Variants in MAGI2 observed in about 807,000 individuals in gnomAD.
MAGI2 encodes the protein membrane associated guanylate kinase, WW and PDZ domain containing 2.
MAGI2 carries 35 observed loss-of-function variants against 133.3 expected under a neutral mutation model. The observed-to-expected ratio is 0.26, with a 90% CI of 0.20 to 0.35. MAGI2 has a LOEUF of 0.35. Among genes scored for constraint, MAGI2 ranks in the 10% least tolerant of loss-of-function variants. The pLI is 1.00. For synonymous variants in MAGI2, 729 were observed against 710.6 expected, an observed-to-expected ratio of 1.03 and a Z score of -0.41; for missense variants, 1,636 against 1,863.4, an observed-to-expected ratio of 0.88 and a Z score of 2.25.
chr7:78,175,099 G>A (rs1826466065), intron 14 of MAGI2, among the ~76,000 whole-genome samples: 1 of 152,154 alleles, frequency 6.6e-6, no homozygotes, highest in Non-Finnish European at 1.5e-5. Flanking sequence ...GCACTTTCTT[G>A]AGTTCTGAGT....
At chr7:79,387,097 T>C (rs954588230) in intron 1 of MAGI2, among the ~76,000 whole-genome samples, 7 of 145,456 alleles carry the variant, frequency 4.8e-5, no homozygotes, top group Admixed American at 4.1e-4. Flanking sequence ...TTTATGCTTG[T>C]GTGTGTGTGT....
At chr7:79,020,802 C>T (rs1809250944) in intron 1 of MAGI2, among the ~76,000 whole-genome samples, 1 of 150,780 alleles carries the variant, frequency 6.6e-6, no homozygotes, top group Non-Finnish European at 1.5e-5. Flanking sequence ...AAATGAGGAG[C>T]CAAATGTTAA....
At chr7:79,349,655 A>G (rs148328918) in intron 1 of MAGI2, among the ~76,000 whole-genome samples, 1 of 152,172 alleles carries the variant, frequency 6.6e-6, no homozygotes, top group African/African-American at 2.4e-5. Context: ...AGAAGCATGG[A>G]ATAATCTGCT....
At chr7:78,540,170 C>CT (rs987696122) in intron 3 of MAGI2, among the ~76,000 whole-genome samples, 12 of 152,136 alleles carry the variant, frequency 7.9e-5, no homozygotes, top group African/African-American at 2.9e-4. Flanking sequence ...TCGTCTTTGG[C>CT]TACTAGGGTG....
In MAGI2 at chr7:79,007,153, C is replaced by T; in HGVS notation, c.355G>A (p.Gly119Ser). ...RHYLNLRFQK[G>S]SVDHELQQII... ...TGCTGAAGCTCATGGTCCACAGAAC[C>T]CTTTTGAAATCGTAAGTTGAGGTAG... is the stretch of plus-strand genomic sequence containing the variant. Residue 119 changes from glycine to serine, a missense_variant, in exon 2 of 22, where the codon GGT (glycine) becomes AGT (serine). By Grantham distance (56) the Gly-to-Ser change is moderately conservative. Coordinates refer to ENST00000354212, the MANE Select transcript of MAGI2 (RefSeq NM_012301.4). 1.2e-6 allele frequency: 2 copies of T among 1,613,444 alleles called. No individual in the cohort carries two copies. The highest frequency in any genetic ancestry group is 1.7e-6 in the Non-Finnish European group (2 of 1,179,686).
At chr7:78,358,162 CAAAAAAAAAAAAAAAAA>C (rs1185043187) in intron 7 of MAGI2, 1 of 48,726 alleles carries the variant, frequency 2.1e-5, no homozygotes, top group Non-Finnish European at 3.6e-5. Flanking sequence ...GACTTTGCCT[CAAAAAAAAAAAAAAAAA>C]AAAAAAAAAA....
intron 18 of MAGI2, among the ~76,000 whole-genome samples, chr7:78,131,629 G>C (rs1224153737): frequency 1.3e-5 from 2 of 152,196 alleles, no homozygotes; most frequent in Non-Finnish European, 2.9e-5. Flanking sequence ...CCCACGGAAA[G>C]CGAGAAAGCA....
rs190922023 is a variant in MAGI2, at chr7:78,017,849, T to C, written c.*1466A>G. On this transcript the variant is annotated 3_prime_UTR_variant, in exon 22 of 22. Coordinates refer to ENST00000354212, the MANE Select transcript of MAGI2 (RefSeq NM_012301.4). ...CCCCTTTTACTTTTTAGACTACAAG[T>C]GCAGGGAGGTGGAGCTTATTTGCAT... The C allele has an allele frequency of 6.6e-6, 1 of 152,360 alleles. No individual in the cohort carries two copies. Among genetic ancestry groups the C allele is most frequent in the East Asian group, 1.9e-4 (1 of 5,180 alleles). 9.4% of individuals were successfully genotyped at this position (152,360 alleles called of 1,614,324 possible).
intron 6 of MAGI2, among the ~76,000 whole-genome samples, chr7:78,406,345 C>T (rs1263407738): frequency 6.6e-6 from 1 of 151,982 alleles, no homozygotes; most frequent in Admixed American, 6.6e-5. Context: ...GTATTTCCGA[C>T]CTTGCTTTGT....
At chr7:78,241,970 C>T (rs962285773) in intron 10 of MAGI2, among the ~76,000 whole-genome samples, 8 of 146,130 alleles carry the variant, frequency 5.5e-5, no homozygotes, top group South Asian at 2.2e-4. Context: ...CACCTGATGA[C>T]GTGACATGAT....
intron 1 of MAGI2, among the ~76,000 whole-genome samples, chr7:79,109,189 G>C (rs1490746403): frequency 6.6e-6 from 1 of 152,188 alleles, no homozygotes; most frequent in Non-Finnish European, 1.5e-5. Flanking sequence ...CTTTGGAACT[G>C]AGTGGCAGGC....
intron 2 of MAGI2, among the ~76,000 whole-genome samples, chr7:78,738,560 C>A (rs915369970): frequency 6.6e-6 from 1 of 152,002 alleles, no homozygotes; most frequent in African/African-American, 2.4e-5. Context: ...AAACTGCAGG[C>A]TAATATTATA....
At chr7:79,014,268 G>A (rs921439387) in intron 1 of MAGI2, among the ~76,000 whole-genome samples, 5 of 151,874 alleles carry the variant, frequency 3.3e-5, no homozygotes, top group African/African-American at 4.8e-5. Flanking sequence ...TGTTAGCCTT[G>A]GTCTCAAACT....
intron 11 of MAGI2, among the ~76,000 whole-genome samples, chr7:78,199,893 T>C (rs1829079572): frequency 6.6e-6 from 1 of 152,222 alleles, no homozygotes; most frequent in Non-Finnish European, 1.5e-5. Flanking sequence ...AGGAAATCAC[T>C]AGATTGTATA....
chr7:78,748,620 C>T (rs757698046), intron 2 of MAGI2, among the ~76,000 whole-genome samples: 7 of 152,076 alleles, frequency 4.6e-5, no homozygotes, highest in Non-Finnish European at 8.8e-5. Flanking sequence ...TTTCGGGTAG[C>T]TGGACATGAC....
intron 2 of MAGI2, among the ~76,000 whole-genome samples, chr7:78,732,213 C>T (rs1821431057): frequency 6.6e-6 from 1 of 152,166 alleles, no homozygotes; most frequent in Non-Finnish European, 1.5e-5. Flanking sequence ...AGAGTACCTT[C>T]TGTTTATCTC....
intron 2 of MAGI2, among the ~76,000 whole-genome samples, chr7:78,991,163 G>C (rs1584601139): frequency 6.6e-6 from 1 of 151,788 alleles, no homozygotes. Context: ...TGTAAAGAAG[G>C]TGCCTGCTTC....
chr7:78,654,707 A>G (rs1457081362), intron 2 of MAGI2, among the ~76,000 whole-genome samples: 438 of 2,418 alleles, frequency 0.18, 3 homozygotes, highest in African/African-American at 0.33. Flanking sequence ...ATATATGTAT[A>G]TATATATATA....
intron 1 of MAGI2, among the ~76,000 whole-genome samples, chr7:79,037,228 G>A (rs1224009638): frequency 1.3e-5 from 2 of 152,100 alleles, no homozygotes; most frequent in Admixed American, 6.5e-5. Flanking sequence ...GGGAAAAAAT[G>A]TTCCATGGTC....
Sources: gnomAD v4.1 joint callset for allele counts (sites outside exome capture counted in the v4.1 genomes callset) on GRCh38, gnomAD v4.1.1 for gene constraint, MANE v1.5 for transcripts, NCBI Gene and HGNC (gene_info 2026-07-23, HGNC 2026-07-21) for gene names.